Variants in ERBB4 observed in about 807,000 individuals in gnomAD.
The protein encoded by ERBB4 is erb-b2 receptor tyrosine kinase 4.
A neutral mutation model predicts 158.0 loss-of-function variants in ERBB4; 42 were observed. The observed-to-expected ratio is 0.27, with a 90% CI of 0.21 to 0.34. The LOEUF is 0.34. ERBB4 is among the 10% of genes least tolerant of loss of function. ERBB4 has a pLI of 1.00. For synonymous variants in ERBB4, 583 were observed against 558.7 expected (o/e 1.04, Z -0.61); for missense variants, 1,333 against 1,624.1 (o/e 0.82, Z 3.08).
rs1219940815 is a variant in ERBB4 at position 211,607,137 on chromosome 2, T to A, written c.2301+12040A>T. On this transcript the variant is annotated intron_variant, in intron 19 of 27. Coordinates refer to ENST00000342788, the MANE Select transcript of ERBB4 (RefSeq NM_005235.3). ...CCCTTAGATCTTAATTATAACTTGT[T>A]TAAAAAAATAAGAAAAATGAAAAAA... Among the ~76,000 whole-genome samples, 4 of 152,246 alleles carry A rather than the reference T, an allele frequency of 2.6e-5. No homozygotes were observed. In the East Asian group the frequency reaches 7.7e-4, roughly 29 times the overall value.
chr2:212,224,435 T>C (rs757843382), intron 1 of ERBB4, among the ~76,000 whole-genome samples: 14 of 151,892 alleles, frequency 9.2e-5, no homozygotes, highest in Non-Finnish European at 1.9e-4. Flanking sequence ...GGAGTGAAGA[T>C]AATGAAGCCA....
intron 20 of ERBB4, among the ~76,000 whole-genome samples, chr2:211,440,402 T>TA: frequency 6.6e-6 from 1 of 151,978 alleles, no homozygotes; most frequent in Admixed American, 6.6e-5. Flanking sequence ...GTGTGCAACC[T>TA]ATTAATACAG....
At chr2:212,114,936 C>G (rs2079528188) in intron 2 of ERBB4, among the ~76,000 whole-genome samples, 1 of 152,146 alleles carries the variant, frequency 6.6e-6, no homozygotes, top group African/African-American at 2.4e-5. Context: ...TACAGCCAAC[C>G]AGCTCTTGTT....
chr2:211,655,523 C>T (rs1022002937), intron 16 of ERBB4, among the ~76,000 whole-genome samples: 8 of 152,184 alleles, frequency 5.3e-5, no homozygotes, highest in African/African-American at 9.7e-5. Context: ...ATGGTAGAGC[C>T]TGGCTCTGAA....
chr2:212,076,006 G>T (rs994092651), intron 2 of ERBB4, among the ~76,000 whole-genome samples: 1 of 151,644 alleles, frequency 6.6e-6, no homozygotes, highest in Non-Finnish European at 1.5e-5. Flanking sequence ...ATTTTATTCT[G>T]CCTATTAAGA....
intron 20 of ERBB4, among the ~76,000 whole-genome samples, chr2:211,558,510 T>G (rs1262768536): frequency 1.3e-5 from 2 of 152,208 alleles, no homozygotes; most frequent in Non-Finnish European, 2.9e-5. Context: ...ATTCACAGAT[T>G]CTGGGGATAG....
chr2:212,483,029 T>C (rs1032125579), intron 1 of ERBB4, among the ~76,000 whole-genome samples: 3 of 151,970 alleles, frequency 2.0e-5, no homozygotes, highest in African/African-American at 7.3e-5. Context: ...TAGTTCTGCC[T>C]TGTGAGCAGA....
chr2:211,716,219 A>C (rs531418482), intron 7 of ERBB4, among the ~76,000 whole-genome samples: 27 of 151,736 alleles, frequency 1.8e-4, no homozygotes, highest in Middle Eastern at 3.2e-3. Context: ...AAAATTAGCC[A>C]GGCATGGTGG....
intron 20 of ERBB4, among the ~76,000 whole-genome samples, chr2:211,541,517 C>G (rs1050757909): frequency 2.0e-5 from 3 of 151,908 alleles, no homozygotes; most frequent in Non-Finnish European, 4.4e-5. Flanking sequence ...TAGCTGCTGC[C>G]CTTTTCTTTA....
intron 19 of ERBB4, among the ~76,000 whole-genome samples, chr2:211,597,254 T>C (rs951202210): frequency 6.6e-6 from 1 of 152,164 alleles, no homozygotes; most frequent in Admixed American, 6.5e-5. Context: ...ATGAGGCATA[T>C]CTAATCAGTC....
intron 1 of ERBB4, among the ~76,000 whole-genome samples, chr2:212,229,386 A>G (rs535806493): frequency 2.6e-5 from 4 of 152,322 alleles, no homozygotes; most frequent in Middle Eastern, 6.8e-3. Flanking sequence ...CTGATGGGCA[A>G]TGGTGCTCTA....
Position 211,701,951 on chromosome 2 carries a change from T to C in ERBB4, c.1489+16A>G. ...TTTAAGTTTCTATGTTTTAAATGTC[T>C]GAGTAATGTACTTACTACAATTTTC... On this transcript the variant is annotated intron_variant, in intron 12 of 27. Coordinates refer to ENST00000342788, the MANE Select transcript of ERBB4 (RefSeq NM_005235.3). The C allele has an allele frequency of 6.3e-7, 1 of 1,576,212 alleles. No homozygotes were observed. Among genetic ancestry groups the C allele is most frequent in the Middle Eastern group, 1.7e-4 (1 of 5,970 alleles).
chr2:211,869,783 T>C (rs1211302189), intron 3 of ERBB4, among the ~76,000 whole-genome samples: 1 of 152,190 alleles, frequency 6.6e-6, no homozygotes, highest in Admixed American at 6.5e-5. Context: ...GTGGTATATA[T>C]ACAAATTATA....
At chr2:211,783,153 G>T (rs1406496070) in intron 4 of ERBB4, among the ~76,000 whole-genome samples, 1 of 152,168 alleles carries the variant, frequency 6.6e-6, no homozygotes, top group East Asian at 1.9e-4. Flanking sequence ...AGTTCACCAT[G>T]ATTTGGCTCT....
At chr2:212,242,042 ATAG>A (rs1480438550) in intron 1 of ERBB4, among the ~76,000 whole-genome samples, 1 of 151,976 alleles carries the variant, frequency 6.6e-6, no homozygotes, top group Non-Finnish European at 1.5e-5. Flanking sequence ...TTTATATGCT[ATAG>A]ATTAAAATAT....
intron 1 of ERBB4, among the ~76,000 whole-genome samples, chr2:212,396,128 CT>C (rs750207273): frequency 2.0e-5 from 3 of 152,086 alleles, no homozygotes; most frequent in Non-Finnish European, 2.9e-5. Flanking sequence ...AGTTGGGAAA[CT>C]ACTTGTCTGG....
intron 3 of ERBB4, among the ~76,000 whole-genome samples, chr2:211,880,725 C>A (rs759211894): frequency 6.6e-6 from 1 of 152,008 alleles, no homozygotes; most frequent in Non-Finnish European, 1.5e-5. Context: ...CTCAAATTTA[C>A]GGTGAAATCA....
chr2:212,165,161 T>C (rs1200297716), intron 1 of ERBB4, among the ~76,000 whole-genome samples: 1 of 151,994 alleles, frequency 6.6e-6, no homozygotes, highest in East Asian at 1.9e-4. Flanking sequence ...AGAACCTTTA[T>C]TTGGTCAGGT....
intron 2 of ERBB4, among the ~76,000 whole-genome samples, chr2:212,033,291 C>G (rs1231239530): frequency 2.0e-5 from 3 of 151,760 alleles, no homozygotes; most frequent in African/African-American, 7.3e-5. Flanking sequence ...AGTGGAGGAC[C>G]CTTGGGATCT....
Sources: allele counts gnomAD v4.1 joint callset (sites outside exome capture counted in the v4.1 genomes callset), GRCh38; gene constraint gnomAD v4.1.1; transcripts MANE v1.5; gene names NCBI Gene and HGNC (gene_info 2026-07-23, HGNC 2026-07-21).